The following DAB1 variants were observed in gnomAD, a reference collection of about 807,000 sequenced individuals.
The protein encoded by DAB1 is DAB adaptor protein 1.
A neutral mutation model predicts 64.6 loss-of-function variants in DAB1; 15 were observed. The ratio of observed to expected loss-of-function variants is 0.23; its 90% confidence interval spans 0.16 to 0.36. DAB1 has a LOEUF of 0.36. Ranked by LOEUF, DAB1 falls within the 10% of genes least tolerant of loss-of-function variation. The pLI is 1.00. For synonymous variants in DAB1, 235 were observed against 251.9 expected, an observed-to-expected ratio of 0.93 and a Z score of 0.64; for missense variants, 596 against 706.7, an observed-to-expected ratio of 0.84 and a Z score of 1.78.
chr1:57,436,750 T>A (rs1004880104), intron 7 of DAB1, among the ~76,000 whole-genome samples: 1 of 151,906 alleles, frequency 6.6e-6, no homozygotes, highest in South Asian at 2.1e-4. Flanking sequence ...TGGCATAGGC[T>A]GGGTGCGGTG....
rs569843114 is a variant in DAB1, at chr1:58,076,608, T to A, written n.387+73903A>T. On this transcript the variant is annotated intron_variant and non_coding_transcript_variant, in intron 5 of 20. Coordinates refer to the DAB1 transcript ENST00000485760. ...AGAGTTAAAAGACTTGCCCAAGGTT[T>A]CCTAATTAGTAAACGATAGAGTCAT... Among the ~76,000 whole-genome samples the A allele has an allele frequency of 2.6e-5, 4 of 152,352 alleles. No individual in the cohort carries two copies. The East Asian group carries it at 7.7e-4, about 29-fold the overall frequency.
intron 1 of DAB1, among the ~76,000 whole-genome samples, chr1:57,340,774 A>G (rs1677510321): frequency 1.3e-5 from 2 of 152,200 alleles, no homozygotes; most frequent in African/African-American, 2.4e-5. Context: ...CGAAGTACGG[A>G]GTTTTAATGG....
rs528511249 is a variant in DAB1, at chr1:57,128,062, G to A, written c.306+8481C>T. 4.9e-4 allele frequency among the ~76,000 whole-genome samples: 75 copies of A among 152,034 alleles called. 1 individual carries two copies. In the South Asian group the frequency reaches 0.014, roughly 28 times the overall value. ...CACAGGAGGCTGAGGCATGAGAATCGCTTGAACCCAGAAGGTGGAGGTTGC... is the reference window on the plus strand; with the variant it reads ...CACAGGAGGCTGAGGCATGAGAATCACTTGAACCCAGAAGGTGGAGGTTGC... On this transcript the variant is annotated intron_variant, in intron 4 of 14. Coordinates refer to ENST00000371236, the MANE Select transcript of DAB1 (RefSeq NM_001365792.1).
intron 6 of DAB1, among the ~76,000 whole-genome samples, chr1:57,764,145 C>A: frequency 6.6e-6 from 1 of 152,180 alleles, no homozygotes; most frequent in East Asian, 1.9e-4. Flanking sequence ...GACTCTAACA[C>A]TGAAAGAGCT....
rs544304723 is a variant in DAB1 at position 57,753,983 on chromosome 1, T to G, written n.552-104318A>C. 3.9e-5 allele frequency among the ~76,000 whole-genome samples: 6 copies of G among 152,274 alleles called. No homozygotes were observed. In the South Asian group the frequency reaches 1.2e-3, roughly 32 times the overall value. On this transcript the variant is annotated intron_variant and non_coding_transcript_variant, in intron 6 of 20. Transcript: ENST00000485760. Reference sequence around the variant, plus strand: ...CCATACAGAGTCTAATCTTTCCAGTTTAGAAGTGGACAAATGAAGCCCAGA... The same window carrying G: ...CCATACAGAGTCTAATCTTTCCAGTGTAGAAGTGGACAAATGAAGCCCAGA...
intron 7 of DAB1, among the ~76,000 whole-genome samples, chr1:57,484,392 G>A (rs937675741): frequency 1.3e-5 from 2 of 152,240 alleles, no homozygotes; most frequent in African/African-American, 4.8e-5. Flanking sequence ...CTTGTGGGGA[G>A]TGGGAGAGGA....
intron 7 of DAB1, among the ~76,000 whole-genome samples, chr1:57,627,429 G>A (rs974585705): frequency 3.9e-5 from 6 of 152,144 alleles, no homozygotes; most frequent in South Asian, 2.1e-4. Context: ...CTCTCAAGCC[G>A]TTGTAGATAG....
chr1:58,021,185 A>C (rs1646809781), intron 5 of DAB1, among the ~76,000 whole-genome samples: 1 of 152,234 alleles, frequency 6.6e-6, no homozygotes, highest in African/African-American at 2.4e-5. Flanking sequence ...GACTGGTTTG[A>C]ACCCAGCATG....
At chr1:57,103,511 A>G (rs1654867685) in intron 4 of DAB1, among the ~76,000 whole-genome samples, 1 of 152,154 alleles carries the variant, frequency 6.6e-6, no homozygotes, top group South Asian at 2.1e-4. Flanking sequence ...TTTGCAAAGT[A>G]CCTAGAGCAG....
At chr1:57,448,400 A>G (rs1248035514) in intron 7 of DAB1, among the ~76,000 whole-genome samples, 1 of 152,234 alleles carries the variant, frequency 6.6e-6, no homozygotes, top group Non-Finnish European at 1.5e-5. Flanking sequence ...CAGTTAAGCA[A>G]CAACACAAAC....
intron 1 of DAB1, among the ~76,000 whole-genome samples, chr1:57,316,350 T>C (rs1395174954): frequency 6.6e-6 from 1 of 152,248 alleles, no homozygotes; most frequent in Non-Finnish European, 1.5e-5. Context: ...TTGTGCATTT[T>C]ATTTGCAGCA....
At chr1:57,587,873 C>A (rs1463075595) in intron 7 of DAB1, among the ~76,000 whole-genome samples, 1 of 152,182 alleles carries the variant, frequency 6.6e-6, no homozygotes, top group East Asian at 1.9e-4. Context: ...CAGCCTAGCC[C>A]TGTACCACAG....
intron 5 of DAB1, among the ~76,000 whole-genome samples, chr1:58,041,686 G>A (rs988127296): frequency 4.6e-5 from 7 of 152,194 alleles, no homozygotes; most frequent in African/African-American, 1.7e-4. Flanking sequence ...TCAAAGAAGG[G>A]CCTCCTTGAC....
chr1:57,204,745 C>T (rs528387025), intron 2 of DAB1, among the ~76,000 whole-genome samples: 8 of 152,154 alleles, frequency 5.3e-5, no homozygotes, highest in Non-Finnish European at 1.0e-4. Context: ...ACATAATAAG[C>T]AAACAACAAA....
intron 5 of DAB1, among the ~76,000 whole-genome samples, chr1:57,915,883 CAACCAG>C (rs1407001451): frequency 6.6e-6 from 1 of 152,130 alleles, no homozygotes; most frequent in Non-Finnish European, 1.5e-5. Flanking sequence ...AGCCTGCCAT[CAACCAG>C]AAACAGCATG....
At chr1:57,242,199 A>G (rs1196968632) in intron 2 of DAB1, among the ~76,000 whole-genome samples, 1 of 152,240 alleles carries the variant, frequency 6.6e-6, no homozygotes, top group Non-Finnish European at 1.5e-5. Flanking sequence ...AAGGTCCTAG[A>G]ATAATCTTCA....
chr1:57,352,767 T>C (rs2100865656), intron 1 of DAB1, among the ~76,000 whole-genome samples: 1 of 152,220 alleles, frequency 6.6e-6, no homozygotes, highest in Admixed American at 6.5e-5. Context: ...TTGGAGGGTG[T>C]TTTTGGATGA....
chr1:58,363,181 T>C (rs1644183507), intron 3 of DAB1, among the ~76,000 whole-genome samples: 1 of 152,186 alleles, frequency 6.6e-6, no homozygotes. Context: ...ATATATGAAT[T>C]TGGGTTTGGG....
chr1:58,455,037 G>A (rs1300386284), intron 3 of DAB1, among the ~76,000 whole-genome samples: 1 of 152,122 alleles, frequency 6.6e-6, no homozygotes, highest in African/African-American at 2.4e-5. Context: ...TTTTCCATCT[G>A]TTTCCCTATC....
Sources: gnomAD v4.1 joint callset for allele counts (sites outside exome capture counted in the v4.1 genomes callset) on GRCh38, gnomAD v4.1.1 for gene constraint, MANE v1.5 for transcripts, NCBI Gene and HGNC (gene_info 2026-07-23, HGNC 2026-07-21) for gene names.